Variants in SEPTIN11 observed in about 807,000 individuals in gnomAD.
SEPTIN11 encodes the protein septin-11.
A neutral mutation model predicts 51.4 loss-of-function variants in SEPTIN11; 25 were observed. The observed-to-expected ratio is 0.49, with a 90% CI of 0.35 to 0.68. The LOEUF is 0.68. SEPTIN11 is among the 30% of genes least tolerant of loss of function. The pLI is 0.00. For missense variants in SEPTIN11, 381 were observed against 520.8 expected, an observed-to-expected ratio of 0.73 and a Z score of 2.61; for synonymous variants, 174 against 184.1, an observed-to-expected ratio of 0.95 and a Z score of 0.44.
At chr4:77,026,073 T>C (rs1054368391) in intron 7 of SEPTIN11, among the ~76,000 whole-genome samples, 2 of 152,222 alleles carry the variant, frequency 1.3e-5, no homozygotes, top group Admixed American at 6.5e-5. Flanking sequence ...TCTTAAACTT[T>C]TTAACGTACT....
At position 77,037,433 on chromosome 4, in the gene SEPTIN11, G is replaced by A. The variant is rs773643806; in HGVS notation, c.*2921G>A. The A allele has an allele frequency of 2.1e-4, 208 of 985,196 alleles. 1 individual carries two copies. Among genetic ancestry groups the A allele is most frequent in the Middle Eastern group, 2.1e-3 (4 of 1,936 alleles). 61.0% of individuals were successfully genotyped at this position (985,196 alleles called of 1,614,324 possible). ...ATGGGCATCATTGGATAGCTCAGAG[G>A]GCCCTTGATTCTGGCAAGGCAAATA... On this transcript the variant is annotated 3_prime_UTR_variant, in exon 10 of 10. Transcript: ENST00000264893.
chr4:76,968,361 G>A (rs1043544169), intron 1 of SEPTIN11, among the ~76,000 whole-genome samples: 4 of 152,070 alleles, frequency 2.6e-5, no homozygotes, highest in African/African-American at 9.7e-5. Flanking sequence ...GAGGCCTAAG[G>A]ACTTAAGTTG....
intron 7 of SEPTIN11, chr4:77,021,562 A>G: frequency 6.5e-6 from 1 of 153,184 alleles, no homozygotes; most frequent in Non-Finnish European, 1.5e-5. Flanking sequence ...GGCGTGAGCC[A>G]CCGCGCCTGG....
At chr4:76,995,080 G>T in intron 1 of SEPTIN11, among the ~76,000 whole-genome samples, 1 of 109,380 alleles carries the variant, frequency 9.1e-6, no homozygotes, top group African/African-American at 3.0e-5. Context: ...GTGCAACCCT[G>T]TCTCTAAAAA....
rs1187939952 is a variant in SEPTIN11, at chr4:77,035,195, A to C, written c.*683A>C. 4 of 985,334 alleles carry C rather than the reference A, an allele frequency of 4.1e-6. No homozygotes were observed. In the African/African-American group the frequency reaches 7.0e-5, roughly 17 times the overall value. 61.0% of individuals were successfully genotyped at this position (985,334 alleles called of 1,614,324 possible). On this transcript the variant is annotated 3_prime_UTR_variant, in exon 10 of 10. Coordinates refer to ENST00000264893, the MANE Select transcript of SEPTIN11 (RefSeq NM_018243.4). ...AGTTGGAGTAGACTGGTATGAGAAA[A>C]CTATGATTAGTTCACATTTACTGGT...
At chr4:77,011,703 G>C in intron 3 of SEPTIN11, 32 bp from the exon 4 acceptor site, 1 of 1,601,644 alleles carries the variant, frequency 6.2e-7, no homozygotes, top group Non-Finnish European at 8.6e-7. Flanking sequence ...AAAGAGGTTT[G>C]AGACTAGAAA....
chr4:76,972,599 CACCT>C (rs1305310791), intron 1 of SEPTIN11: 1 of 152,136 alleles, frequency 6.6e-6, no homozygotes, highest in Non-Finnish European at 1.5e-5. Context: ...AGGTAATTAA[CACCT>C]AACTTGTAAT....
At chr4:77,033,719 C>G (rs1420194086) in intron 9 of SEPTIN11, among the ~76,000 whole-genome samples, 2 of 152,200 alleles carry the variant, frequency 1.3e-5, no homozygotes, top group African/African-American at 4.8e-5. Context: ...CAGGCATTTG[C>G]TGGTTAAGAT....
At chr4:76,967,113 C>CT (rs1231201074) in intron 1 of SEPTIN11, among the ~76,000 whole-genome samples, 1 of 152,080 alleles carries the variant, frequency 6.6e-6, no homozygotes, top group Non-Finnish European at 1.5e-5. Flanking sequence ...ACGAGAATTG[C>CT]TTGAGTCCAG....
At chr4:76,995,578 A>G (rs1390151642) in intron 1 of SEPTIN11, among the ~76,000 whole-genome samples, 1 of 152,138 alleles carries the variant, frequency 6.6e-6, no homozygotes, top group Non-Finnish European at 1.5e-5. Flanking sequence ...CCATGATATT[A>G]TAACTGAGGG....
In SEPTIN11 at chr4:77,020,696, G is replaced by A. The variant is rs548878418; in HGVS notation, c.953+26G>A. On this transcript the variant is annotated intron_variant, in intron 7 of 9. Coordinates refer to ENST00000264893, the MANE Select transcript of SEPTIN11 (RefSeq NM_018243.4). ...GTATGAAGGCATCTAGCAATCAGGT[G>A]TCTCCCAGACAGTGGCGAGAGTGGC... is the stretch of plus-strand genomic sequence containing the variant. 1.2e-4 allele frequency: 195 copies of A among 1,609,004 alleles called. No homozygotes were observed. In the South Asian group the frequency reaches 1.6e-3, roughly 13 times the overall value.
Position 77,024,580 on chromosome 4 carries a change from C to T in SEPTIN11, c.953+3910C>T, listed in dbSNP as rs1283154838. Among the ~76,000 whole-genome samples, 1 of 152,166 alleles carries T rather than the reference C, an allele frequency of 6.6e-6. No individual in the cohort carries two copies. Among genetic ancestry groups the T allele is most frequent in the African/African-American group, 2.4e-5 (1 of 41,430 alleles). On this transcript the variant is annotated intron_variant, in intron 7 of 9. Transcript: ENST00000264893. The surrounding 1 kb of genome is among the most constrained non-coding windows in gnomAD (Gnocchi z 4.2). ...CCTGCCCAAGCTGCTCCCATCTCAC[C>T]TCAGAACACCACCGTCTCCTTGCTT...
chr4:77,030,936 G>A lies in SEPTIN11; in HGVS notation c.1240G>A (p.Ala414Thr), dbSNP rs764894616. The A allele has an allele frequency of 3.0e-5, 48 of 1,606,190 alleles. No individual in the cohort carries two copies. The highest frequency in any genetic ancestry group is 4.0e-5 in the Non-Finnish European group (47 of 1,178,406). ...LLQSQAQQSG[A>T]QQTKKDKDKK... is the part of the protein sequence containing the mutation. ...ACAGTCCCAGGCCCAGCAATCTGGGGCCCAGCAAACCAAGAAAGACAAGGA... is the reference window on the plus strand; with the variant it reads ...ACAGTCCCAGGCCCAGCAATCTGGGACCCAGCAAACCAAGAAAGACAAGGA... The change falls in exon 9 of 10, where the codon GCC becomes ACC. Residue 414 changes from alanine (A) to threonine (T), a missense_variant. By Grantham distance (58) the Ala-to-Thr change is moderately conservative (BLOSUM62 0). Coordinates refer to ENST00000264893, the MANE Select transcript of SEPTIN11 (RefSeq NM_018243.4).
At position 77,035,126 on chromosome 4, in the gene SEPTIN11, A is replaced by G. The variant is rs1226692721; in HGVS notation, c.*614A>G. On this transcript the variant is annotated 3_prime_UTR_variant, in exon 10 of 10. Transcript: ENST00000264893. ...GGGTCTGTTCAGACTGTCTCCTCTC[A>G]TGGTTTGAAACTGCATCTGAATGCC... 6 of 985,284 alleles carry G rather than the reference A, an allele frequency of 6.1e-6. No individual in the cohort carries two copies. Among genetic ancestry groups the G allele is most frequent in the Non-Finnish European group, 7.2e-6 (6 of 829,912 alleles). 61.0% of individuals were successfully genotyped at this position (985,284 alleles called of 1,614,324 possible).
At chr4:77,016,655 T>TATATATATATATATATATATAA (rs1553975019) in intron 5 of SEPTIN11, among the ~76,000 whole-genome samples, 1 of 109,024 alleles carries the variant, frequency 9.2e-6, no homozygotes, top group African/African-American at 3.3e-5. Context: ...TATATATATA[T>TATATATATATATATATATATAA]ACACATATAT....
intron 2 of SEPTIN11, among the ~76,000 whole-genome samples, chr4:77,004,881 T>A (rs1284751176): frequency 6.6e-6 from 1 of 152,174 alleles, no homozygotes; most frequent in Non-Finnish European, 1.5e-5. Flanking sequence ...GAGGATCACT[T>A]GAATCCAGGA....
At chr4:76,964,293 C>T (rs547988695) in intron 1 of SEPTIN11, among the ~76,000 whole-genome samples, 1 of 114,404 alleles carries the variant, frequency 8.7e-6, no homozygotes, top group African/African-American at 3.3e-5. Flanking sequence ...AATTCTTGGC[C>T]AATCATTTTT....
chr4:77,015,851 T>C (rs1725182671), intron 5 of SEPTIN11, among the ~76,000 whole-genome samples: 1 of 152,180 alleles, frequency 6.6e-6, no homozygotes, highest in South Asian at 2.1e-4. Context: ...GGAAAATGGC[T>C]AGACTTGTGC....
In SEPTIN11 at chr4:76,978,870, T is replaced by C. The variant is rs577440210; in HGVS notation, c.28-17555T>C. The stretch of plus-strand genomic sequence containing the variant: ...GTTGGGAAGGGTTCATACTGAAGCA[T>C]GTGGCTGGAGTATTGACATCCCTTT... On this transcript the variant is annotated intron_variant, in intron 1 of 9. Coordinates refer to ENST00000264893, the MANE Select transcript of SEPTIN11 (RefSeq NM_018243.4). Among the ~76,000 whole-genome samples the C allele has an allele frequency of 2.0e-5, 3 of 152,270 alleles. No individual in the cohort carries two copies. The East Asian group carries it at 5.8e-4, about 29-fold the overall frequency.
Sources: gnomAD v4.1 joint callset for allele counts (sites outside exome capture counted in the v4.1 genomes callset) on GRCh38, gnomAD v4.1.1 for gene constraint, Gnocchi (gnomAD v3.1) non-coding constraint, MANE v1.5 for transcripts, NCBI Gene and HGNC (gene_info 2026-07-23, HGNC 2026-07-21) for gene names.